Variants in PRKCA observed in about 807,000 individuals in gnomAD.
PRKCA encodes protein kinase C alpha.
In PRKCA, 27 loss-of-function variants were observed where a neutral mutation model predicts 87.0. That is an observed-to-expected ratio of 0.31 (90% CI 0.23 to 0.43). PRKCA has a LOEUF of 0.43. PRKCA is among the 20% of genes least tolerant of loss of function. PRKCA has a pLI of 1.00. For synonymous variants in PRKCA, 329 were observed against 311.1 expected (o/e 1.06, Z -0.61); for missense variants, 518 against 852.3 (o/e 0.61, Z 4.88).
At chr17:66,496,887 C>G (rs1916498919) in intron 3 of PRKCA, among the ~76,000 whole-genome samples, 1 of 152,070 alleles carries the variant, frequency 6.6e-6, no homozygotes, top group South Asian at 2.1e-4. Context: ...AAGCAATCCA[C>G]TCGTCTTGGC....
At chr17:66,322,256 A>G (rs1451469524) in intron 2 of PRKCA, among the ~76,000 whole-genome samples, 4 of 152,180 alleles carry the variant, frequency 2.6e-5, no homozygotes, top group Non-Finnish European at 4.4e-5. Flanking sequence ...CCTGTAGACT[A>G]ACACTGTCCT....
Position 66,490,969 on chromosome 17 carries a change from TTCCA to T in PRKCA, c.206-5229_206-5226del, listed in dbSNP as rs1916219717. Among the ~76,000 whole-genome samples the T allele has an allele frequency of 2.0e-5, 3 of 152,320 alleles. No individual in the cohort carries two copies. The South Asian group carries it at 6.2e-4, about 32-fold the overall frequency. ...ACAAGTGGTGAAAACTCTCCTTAATTTCCATCTAGTTTACTTCCATAAGCAAGAT... is the reference window on the plus strand; with the variant it reads ...ACAAGTGGTGAAAACTCTCCTTAATTTCTAGTTTACTTCCATAAGCAAGAT... On this transcript the variant is annotated intron_variant, in intron 2 of 16. Transcript: ENST00000413366.
intron 3 of PRKCA, among the ~76,000 whole-genome samples, chr17:66,528,579 A>G (rs9913336): frequency 0.65 from 97,988 of 151,892 alleles, 32,505 homozygotes; most frequent in African/African-American, 0.8. Context: ...AATACAGGTG[A>G]CCTCTTAATA....
intron 8 of PRKCA, among the ~76,000 whole-genome samples, chr17:66,722,986 C>A (rs1973650515): frequency 6.6e-6 from 1 of 152,162 alleles, no homozygotes; most frequent in Non-Finnish European, 1.5e-5. Context: ...TAACCCAGAC[C>A]CCTTAGAGGG....
intron 3 of PRKCA, among the ~76,000 whole-genome samples, chr17:66,613,756 C>T (rs907749897): frequency 7.5e-5 from 11 of 146,692 alleles, no homozygotes; most frequent in Non-Finnish European, 1.2e-4. Context: ...TTAGGGCCCA[C>T]CTTAATCCAG....
chr17:66,603,671 T>G (rs1018563880), intron 3 of PRKCA, among the ~76,000 whole-genome samples: 1 of 152,136 alleles, frequency 6.6e-6, no homozygotes, highest in African/African-American at 2.4e-5. Context: ...GTTTAGCACC[T>G]TCATAATGTC....
At chr17:66,444,227 AG>A (rs1221795611) in intron 2 of PRKCA, among the ~76,000 whole-genome samples, 1 of 152,188 alleles carries the variant, frequency 6.6e-6, no homozygotes, top group Non-Finnish European at 1.5e-5. Context: ...CTGGCTCTAC[AG>A]GTTCTGAATA....
At chr17:66,632,861 T>A (rs758656009) in intron 3 of PRKCA, among the ~76,000 whole-genome samples, 11 of 152,196 alleles carry the variant, frequency 7.2e-5, no homozygotes, top group Non-Finnish European at 1.5e-4. Flanking sequence ...AATTTATTGC[T>A]TCCCATTGAA....
chr17:66,400,575 C>T (rs748175716), intron 2 of PRKCA, among the ~76,000 whole-genome samples: 5 of 152,210 alleles, frequency 3.3e-5, no homozygotes, highest in Non-Finnish European at 5.9e-5. Flanking sequence ...AGTAGTGTGG[C>T]TATGAACACG....
chr17:66,565,548 A>G (rs1398544116), intron 3 of PRKCA, among the ~76,000 whole-genome samples: 3 of 152,228 alleles, frequency 2.0e-5, no homozygotes, highest in African/African-American at 4.8e-5. Context: ...AAGTTGCTCT[A>G]GCAGAAAGCC....
chr17:66,379,345 T>C (rs1043404234), intron 2 of PRKCA, among the ~76,000 whole-genome samples: 1 of 152,234 alleles, frequency 6.6e-6, no homozygotes, highest in African/African-American at 2.4e-5. Context: ...TTAGTCAGCC[T>C]GGTAAGACCA....
chr17:66,628,063 A>G (rs1389041220), intron 3 of PRKCA, among the ~76,000 whole-genome samples: 2 of 152,156 alleles, frequency 1.3e-5, no homozygotes, highest in African/African-American at 4.8e-5. Flanking sequence ...GGATTAACAT[A>G]TCACTTTTTA....
chr17:66,804,304 T>G lies in PRKCA; in HGVS notation c.*267T>G. On this transcript the variant is annotated 3_prime_UTR_variant, in exon 17 of 17. Coordinates refer to ENST00000413366, the MANE Select transcript of PRKCA (RefSeq NM_002737.3). ...GTTACGTCTGGCTCTAGGTTAACCC[T>G]TCCTAGAAAGCAAGCAGACTGTTGC... 2 of 340,000 alleles carry G rather than the reference T, an allele frequency of 5.9e-6. No homozygotes were observed. The highest frequency in any genetic ancestry group is 5.3e-6 in the Non-Finnish European group (1 of 190,202). The allele number at this position is 340,000 out of a possible 1,614,324, so 21.1% of individuals were successfully genotyped here. A position where few individuals can be genotyped will look rare whatever the true frequency, so the allele number is the denominator to read the frequency against.
intron 8 of PRKCA, among the ~76,000 whole-genome samples, chr17:66,725,912 G>A (rs1973735824): frequency 6.6e-6 from 1 of 152,190 alleles, no homozygotes; most frequent in African/African-American, 2.4e-5. Flanking sequence ...GATCCCAGGA[G>A]ACATGGGTGG....
chr17:66,744,558 A>G (rs990741184), intron 13 of PRKCA, among the ~76,000 whole-genome samples: 6 of 152,190 alleles, frequency 3.9e-5, no homozygotes, highest in Non-Finnish European at 8.8e-5. Flanking sequence ...GCTATCTAAT[A>G]ACACCAGGAA....
chr17:66,708,338 C>T (rs975685658), intron 8 of PRKCA, among the ~76,000 whole-genome samples: 8 of 152,158 alleles, frequency 5.3e-5, no homozygotes, highest in African/African-American at 1.9e-4. Context: ...GGTGTGTGGT[C>T]CGGGAAGGAT....
intron 14 of PRKCA, among the ~76,000 whole-genome samples, chr17:66,786,119 C>T (rs190568056): frequency 1.6e-4 from 24 of 152,306 alleles, no homozygotes; most frequent in Admixed American, 4.6e-4. Context: ...TGAGCCACCG[C>T]GCCCGGCCTG....
At chr17:66,476,465 G>A (rs1915540611) in intron 2 of PRKCA, among the ~76,000 whole-genome samples, 2 of 152,184 alleles carry the variant, frequency 1.3e-5, no homozygotes, top group South Asian at 4.2e-4. Context: ...GAGAATGCCA[G>A]CCAAGGCCCT....
intron 3 of PRKCA, among the ~76,000 whole-genome samples, chr17:66,555,551 C>T (rs187596609): frequency 5.8e-4 from 88 of 152,264 alleles, no homozygotes; most frequent in African/African-American, 2.0e-3. Context: ...ACAAATGTCC[C>T]TCCTTGGAAG....
Sources: allele counts gnomAD v4.1 joint callset (sites outside exome capture counted in the v4.1 genomes callset), GRCh38; gene constraint gnomAD v4.1.1; transcripts MANE v1.5; gene names NCBI Gene and HGNC (gene_info 2026-07-23, HGNC 2026-07-21).